Variants in SLC26A7 observed in about 807,000 individuals in gnomAD.
The protein encoded by SLC26A7 is solute carrier family 26 member 7.
SLC26A7 carries 59 observed loss-of-function variants against 82.5 expected under a neutral mutation model. The ratio of observed to expected loss-of-function variants is 0.72; its 90% confidence interval spans 0.58 to 0.89. The LOEUF (loss-of-function observed/expected upper bound fraction) is 0.89, where lower values mean the gene tolerates loss of function less well. SLC26A7 is among the 40% of genes least tolerant of loss of function. SLC26A7 has a pLI of 0.00. For missense variants in SLC26A7, 820 were observed against 793.0 expected, an observed-to-expected ratio of 1.03 and a Z score of -0.41; for synonymous variants, 271 against 274.3, an observed-to-expected ratio of 0.99 and a Z score of 0.12.
chr8:91,260,973 C>T (rs545043501), intron 2 of SLC26A7, among the ~76,000 whole-genome samples: 21 of 152,150 alleles, frequency 1.4e-4, no homozygotes, highest in East Asian at 7.8e-4. Flanking sequence ...CTTGTAATAA[C>T]GCTTAACCCT....
chr8:91,381,623 T>C (rs1814673010), intron 15 of SLC26A7, among the ~76,000 whole-genome samples: 1 of 152,156 alleles, frequency 6.6e-6, no homozygotes, highest in Non-Finnish European at 1.5e-5. Context: ...ATGGGCATGA[T>C]CACCTTTGCT....
chr8:91,246,986 CT>C (rs1252932715), upstream of SLC26A7, among the ~76,000 whole-genome samples: 2 of 152,180 alleles, frequency 1.3e-5, no homozygotes, highest in African/African-American at 4.8e-5. Context: ...TTCTGTAGCA[CT>C]TCACACAGAG....
At chr8:91,212,903 T>C (rs1809959512) in intron 1 of SLC26A7, among the ~76,000 whole-genome samples, 1 of 152,196 alleles carries the variant, frequency 6.6e-6, no homozygotes, top group African/African-American at 2.4e-5. Context: ...AAACATGAGC[T>C]CATACACTGT....
chr8:91,263,682 G>T (rs1316725746), intron 2 of SLC26A7, among the ~76,000 whole-genome samples: 2 of 151,922 alleles, frequency 1.3e-5, no homozygotes, highest in African/African-American at 2.4e-5. Context: ...GGTTCCTCGT[G>T]TAAGACTTAA....
At chr8:91,316,236 C>T (rs1812626271) in intron 4 of SLC26A7, among the ~76,000 whole-genome samples, 1 of 151,956 alleles carries the variant, frequency 6.6e-6, no homozygotes. Context: ...GTTATCCTTC[C>T]CTCCGATTTC....
chr8:91,358,364 C>T lies in SLC26A7; in HGVS notation c.1315-3989C>T, dbSNP rs1230318595. Among the ~76,000 whole-genome samples, 6 of 149,470 alleles carry T rather than the reference C, an allele frequency of 4.0e-5. No homozygotes were observed. The East Asian group carries it at 5.8e-4, about 15-fold the overall frequency. ...TTTTTTTTGAGGCATAGTCTCACTC[C>T]GTCCCCCAGGCTGGAGTGCAGTGGC... On this transcript the variant is annotated intron_variant, in intron 11 of 18. Transcript: ENST00000276609.
intron 9 of SLC26A7, among the ~76,000 whole-genome samples, chr8:91,345,049 C>T (rs1438857947): frequency 1.3e-5 from 2 of 151,382 alleles, no homozygotes; most frequent in African/African-American, 2.4e-5. Context: ...CTGAAGTATC[C>T]TTTCACCTCA....
At chr8:91,245,658 T>C (rs1810535443), upstream of SLC26A7, among the ~76,000 whole-genome samples, 1 of 152,182 alleles carries the variant, frequency 6.6e-6, no homozygotes, top group African/African-American at 2.4e-5. Context: ...GTGTCTTAGG[T>C]GTCCCAATCT....
chr8:91,299,419 T>A (rs1812102049), intron 4 of SLC26A7, among the ~76,000 whole-genome samples: 1 of 151,944 alleles, frequency 6.6e-6, no homozygotes, highest in African/African-American at 2.4e-5. Context: ...TTCCATGATT[T>A]ATTTTTTTTC....
chr8:91,328,716 C>A (rs1330830415), intron 5 of SLC26A7, among the ~76,000 whole-genome samples: 1 of 151,792 alleles, frequency 6.6e-6, no homozygotes, highest in Non-Finnish European at 1.5e-5. Flanking sequence ...TAAAGAAAGG[C>A]AAATTAGACA....
intron 2 of SLC26A7, among the ~76,000 whole-genome samples, chr8:91,226,559 T>G (rs1810242248): frequency 6.6e-6 from 1 of 152,256 alleles, no homozygotes; most frequent in African/African-American, 2.4e-5. Context: ...ATTTATTCAC[T>G]TATTAGATAA....
intron 3 of SLC26A7, among the ~76,000 whole-genome samples, chr8:91,294,006 C>T (rs1264096409): frequency 6.6e-6 from 1 of 152,070 alleles, no homozygotes; most frequent in African/African-American, 2.4e-5. Context: ...TCTTGATGTA[C>T]TCTTAATTTA....
chr8:91,286,959 T>G (rs1811729543), intron 2 of SLC26A7, among the ~76,000 whole-genome samples: 1 of 152,212 alleles, frequency 6.6e-6, no homozygotes, highest in Non-Finnish European at 1.5e-5. Context: ...GAAAGGATAC[T>G]TGATGTTTTA....
intron 1 of SLC26A7, among the ~76,000 whole-genome samples, chr8:91,211,619 T>A (rs888888680): frequency 1.3e-3 from 194 of 144,720 alleles, no homozygotes; most frequent in African/African-American, 4.7e-3. Context: ...TATATATATT[T>A]TTTTTTTATT....
intron 4 of SLC26A7, among the ~76,000 whole-genome samples, chr8:91,296,184 G>A (rs1412737718): frequency 1.3e-5 from 2 of 152,182 alleles, no homozygotes; most frequent in Admixed American, 6.5e-5. Flanking sequence ...GCTGATCTGA[G>A]GTCACTGGAC....
intron 4 of SLC26A7, among the ~76,000 whole-genome samples, chr8:91,308,631 G>A (rs898308055): frequency 6.6e-6 from 1 of 152,106 alleles, no homozygotes; most frequent in African/African-American, 2.4e-5. Context: ...ATGTCAAGTG[G>A]GGAGTTAATG....
At chr8:91,315,467 A>C (rs982102348) in intron 4 of SLC26A7, among the ~76,000 whole-genome samples, 7 of 149,216 alleles carry the variant, frequency 4.7e-5, no homozygotes, top group Non-Finnish European at 8.9e-5. Context: ...AAAAAAAAAA[A>C]AAAACACCAT....
chr8:91,236,445 C>T (rs1332845459), intron 2 of SLC26A7, among the ~76,000 whole-genome samples: 1 of 152,054 alleles, frequency 6.6e-6, no homozygotes, highest in Non-Finnish European at 1.5e-5. Context: ...ACCCAATGCC[C>T]TCATGTTGTC....
At position 91,263,165 on chromosome 8, in the gene SLC26A7, A is replaced by G. The variant is rs146344508; in HGVS notation, c.193+13321A>G. Among the ~76,000 whole-genome samples, 70 of 152,204 alleles carry G rather than the reference A, an allele frequency of 4.6e-4. 1 individual carries two copies. The highest frequency in any genetic ancestry group is 1.6e-3 in the African/African-American group (66 of 41,570). ...CTGGTCCTAATTAGATTCATAATAT[A>G]TGCATCTCAGCTAAAAGTTATTTCA... On this transcript the variant is annotated intron_variant, in intron 2 of 18. Coordinates refer to ENST00000276609, the MANE Select transcript of SLC26A7 (RefSeq NM_052832.4).
Sources: gnomAD v4.1 joint callset for allele counts (sites outside exome capture counted in the v4.1 genomes callset) on GRCh38, gnomAD v4.1.1 for gene constraint, MANE v1.5 for transcripts, NCBI Gene and HGNC (gene_info 2026-07-23, HGNC 2026-07-21) for gene names.